The following DNM3 variants were observed in gnomAD, a reference collection of about 807,000 sequenced individuals.
DNM3 encodes dynamin-3.
In DNM3, 47 loss-of-function variants were observed where a neutral mutation model predicts 101.6. The observed-to-expected ratio is 0.46, with a 90% confidence interval of 0.37 to 0.59. The LOEUF is 0.59. DNM3 is among the 20% of genes least tolerant of loss of function. The pLI is 0.00. For synonymous variants in DNM3, 385 were observed against 387.9 expected, an observed-to-expected ratio of 0.99 and a Z score of 0.09; for missense variants, 849 against 1,085.7, an observed-to-expected ratio of 0.78 and a Z score of 3.06.
At chr1:171,898,372 G>A (rs2037997134) in intron 1 of DNM3, among the ~76,000 whole-genome samples, 1 of 151,990 alleles carries the variant, frequency 6.6e-6, no homozygotes, top group Non-Finnish European at 1.5e-5. Flanking sequence ...TATACCATTT[G>A]TAAGAATCAA....
chr1:172,160,356 C>T (rs574744305), intron 14 of DNM3, among the ~76,000 whole-genome samples: 14 of 152,180 alleles, frequency 9.2e-5, no homozygotes, highest in South Asian at 4.1e-4. Flanking sequence ...GCTTGAAACA[C>T]AGACATTTAA....
In DNM3 at chr1:172,410,640, C is replaced by T. The variant is rs761210039; in HGVS notation, c.*2799C>T. 3.0e-6 allele frequency: 3 copies of T among 985,156 alleles called. No individual in the cohort carries two copies. The highest frequency in any genetic ancestry group is 3.6e-6 in the Non-Finnish European group (3 of 829,814). The allele number at this position is 985,156 out of a possible 1,614,324, so 61.0% of individuals were successfully genotyped here. ...TTCTAAAAAACATCTACCAAGGTTACTCGTCTGAATATTGCTTTTAGCCGT... is the reference window on the plus strand; with the variant it reads ...TTCTAAAAAACATCTACCAAGGTTATTCGTCTGAATATTGCTTTTAGCCGT... On this transcript the variant is annotated 3_prime_UTR_variant, in exon 21 of 21. Transcript: ENST00000627582.
At position 171,984,214 on chromosome 1, in the gene DNM3, T is replaced by C. The variant is rs373139244; in HGVS notation, c.236-3442T>C. On this transcript the variant is annotated intron_variant, in intron 2 of 20. Transcript: ENST00000627582. Reference sequence around the variant, plus strand: ...GTAAGCTTCCTTTCTTGCTCATCATTGTCTGTCCTCAACACAGCATCCACA... The same window carrying C: ...GTAAGCTTCCTTTCTTGCTCATCATCGTCTGTCCTCAACACAGCATCCACA... Among the ~76,000 whole-genome samples, 5 of 152,120 alleles carry C rather than the reference T, an allele frequency of 3.3e-5. No homozygotes were observed. In the East Asian group the frequency reaches 7.7e-4, roughly 23 times the overall value.
chr1:172,307,782 C>G (rs1573397358), intron 15 of DNM3, among the ~76,000 whole-genome samples: 1 of 151,924 alleles, frequency 6.6e-6, no homozygotes, highest in Admixed American at 6.6e-5. Context: ...GACAGAAAAC[C>G]AAACACCACG....
At chr1:172,254,106 G>A (rs1328818784) in intron 15 of DNM3, among the ~76,000 whole-genome samples, 1 of 151,994 alleles carries the variant, frequency 6.6e-6, no homozygotes, top group Non-Finnish European at 1.5e-5. Flanking sequence ...ACTGTGTCTG[G>A]ATAATGTTTT....
chr1:172,181,375 T>TACACACACACACACACACACACAC (rs55756017), intron 14 of DNM3, among the ~76,000 whole-genome samples: 2 of 147,612 alleles, frequency 1.4e-5, no homozygotes, highest in Non-Finnish European at 1.5e-5. Context: ...CACTTGAGTT[T>TACACACACACACACACACACACAC]ACACACACAC....
chr1:172,080,274 A>G (rs1172826678), intron 11 of DNM3, among the ~76,000 whole-genome samples: 1 of 152,110 alleles, frequency 6.6e-6, no homozygotes, highest in Non-Finnish European at 1.5e-5. Context: ...AGTTTTATCT[A>G]TAAGCCCCTG....
chr1:172,389,590 GT>G (rs897626423), intron 20 of DNM3, among the ~76,000 whole-genome samples: 74 of 152,034 alleles, frequency 4.9e-4, no homozygotes, highest in Admixed American at 8.5e-4. Context: ...AAGTACTAAG[GT>G]TTTTTTCCCC....
At chr1:172,101,867 A>ATT (rs200937743) in intron 13 of DNM3, among the ~76,000 whole-genome samples, 7 of 148,330 alleles carry the variant, frequency 4.7e-5, no homozygotes, top group African/African-American at 1.7e-4. Flanking sequence ...TTATTACTTA[A>ATT]TTTTTTTTTT....
rs750755350 is a variant in DNM3 at position 171,989,126 on chromosome 1, A to G, written c.567A>G (p.Leu189=). The G allele has an allele frequency of 8.7e-6, 14 of 1,612,934 alleles. No homozygotes were observed. The South Asian group carries it at 1.4e-4, about 16-fold the overall frequency. The change falls in exon 4 of 21, where the codon CTA becomes CTG. Residue 189 remains leucine, a synonymous_variant. Coordinates refer to ENST00000627582, the MANE Select transcript of DNM3 (RefSeq NM_015569.5). ...TTGCAAACTCAGATGCGCTGAAGCTAGCTAAAGAAGTTGATCCTCAAGGTG... is the reference window on the plus strand; with the variant it reads ...TTGCAAACTCAGATGCGCTGAAGCTGGCTAAAGAAGTTGATCCTCAAGGTG... ...TDLANSDALK[L]AKEVDPQGLR...
chr1:172,210,519 G>C (rs1306259848), intron 14 of DNM3, among the ~76,000 whole-genome samples: 11 of 151,952 alleles, frequency 7.2e-5, no homozygotes, highest in Non-Finnish European at 1.2e-4. Flanking sequence ...TCAGAAGGAA[G>C]CTGAGCTGGA....
At chr1:172,139,265 A>G (rs1483007397) in intron 14 of DNM3, 1 of 201,514 alleles carries the variant, frequency 5.0e-6, no homozygotes, top group Non-Finnish European at 1.0e-5. Flanking sequence ...CTTTGCAAAA[A>G]ACTGCATATT....
chr1:172,125,491 A>G (rs1286461795), intron 13 of DNM3, among the ~76,000 whole-genome samples: 1 of 152,230 alleles, frequency 6.6e-6, no homozygotes, highest in African/African-American at 2.4e-5. Context: ...GAGGAAACTA[A>G]CAGAACACAT....
intron 17 of DNM3, among the ~76,000 whole-genome samples, chr1:172,340,497 A>G (rs1480699499): frequency 6.6e-6 from 1 of 152,196 alleles, no homozygotes; most frequent in East Asian, 1.9e-4. Context: ...GTTTATGCTG[A>G]CCATTCTTAG....
intron 1 of DNM3, among the ~76,000 whole-genome samples, chr1:171,844,086 A>G (rs907285410): frequency 2.0e-5 from 3 of 152,222 alleles, no homozygotes; most frequent in Non-Finnish European, 2.9e-5. Context: ...ACTTTAATAA[A>G]GATTTCGGTC....
At chr1:171,944,305 C>T (rs1252199108) in intron 2 of DNM3, among the ~76,000 whole-genome samples, 1 of 151,856 alleles carries the variant, frequency 6.6e-6, no homozygotes, top group Non-Finnish European at 1.5e-5. Flanking sequence ...TTGGATTTAG[C>T]TCAGAGGCCA....
chr1:172,311,655 T>A (rs187934463), intron 16 of DNM3, among the ~76,000 whole-genome samples: 3 of 152,128 alleles, frequency 2.0e-5, no homozygotes, highest in African/African-American at 7.2e-5. Flanking sequence ...TCCTAGAAAA[T>A]CAAAGTTATC....
chr1:172,189,321 A>T (rs1216858455), intron 14 of DNM3, among the ~76,000 whole-genome samples: 5 of 152,030 alleles, frequency 3.3e-5, no homozygotes, highest in Admixed American at 3.3e-4. Context: ...CTTGAGTATT[A>T]TGTTGGCTAT....
At chr1:171,924,492 G>C (rs1317091037) in intron 2 of DNM3, among the ~76,000 whole-genome samples, 1 of 152,176 alleles carries the variant, frequency 6.6e-6, no homozygotes, top group Non-Finnish European at 1.5e-5. Flanking sequence ...TTACAATCAT[G>C]GTGGAAGGCA....
Sources: gnomAD v4.1 joint callset for allele counts (sites outside exome capture counted in the v4.1 genomes callset) on GRCh38, gnomAD v4.1.1 for gene constraint, MANE v1.5 for transcripts, NCBI Gene and HGNC (gene_info 2026-07-23, HGNC 2026-07-21) for gene names.